NUP107: variants seen among roughly 807,000 people sequenced by gnomAD.
NUP107 encodes the protein nuclear pore complex protein Nup107.
A neutral mutation model predicts 141.0 loss-of-function variants in NUP107; 101 were observed. The observed-to-expected ratio is 0.72, with a 90% CI of 0.61 to 0.84. NUP107 has a LOEUF of 0.84. NUP107 is among the 40% of genes least tolerant of loss of function. The pLI, the probability that NUP107 is intolerant of heterozygous loss-of-function variation, is 0.00. For synonymous variants in NUP107, 319 were observed against 363.9 expected (o/e 0.88, Z 1.41); for missense variants, 941 against 1,102.7 (o/e 0.85, Z 2.08).
intron 7 of NUP107, among the ~76,000 whole-genome samples, chr12:68,701,141 A>T (rs1056443403): frequency 6.6e-6 from 1 of 152,230 alleles, no homozygotes; most frequent in African/African-American, 2.4e-5. Context: ...GTTAGACTTC[A>T]TGTAATATGG....
intron 5 of NUP107, among the ~76,000 whole-genome samples, chr12:68,696,019 A>C (rs1876032987): frequency 6.6e-6 from 1 of 151,744 alleles, no homozygotes; most frequent in Non-Finnish European, 1.5e-5. Flanking sequence ...TAAAAAAAAA[A>C]AAAAGAAAAA....
At chr12:68,688,404 T>C (rs1875607807) in intron 1 of NUP107, among the ~76,000 whole-genome samples, 1 of 152,178 alleles carries the variant, frequency 6.6e-6, no homozygotes, top group Non-Finnish European at 1.5e-5. Flanking sequence ...ACAGGAGACC[T>C]CCTGGGTTGA....
intron 23 of NUP107, chr12:68,732,943 G>A: frequency 2.5e-6 from 1 of 398,016 alleles, no homozygotes; most frequent in Non-Finnish European, 4.5e-6. Flanking sequence ...TCAGCCTCCT[G>A]AAGTGCTGGG....
intron 18 of NUP107, 55 bp from the exon 19 acceptor site, chr12:68,726,443 AT>A (rs1877566768): frequency 3.5e-6 from 4 of 1,144,722 alleles, no homozygotes; most frequent in Admixed American, 1.8e-5. Context: ...GGTAATGTTT[AT>A]TTTTTTCTTT....
intron 26 of NUP107, among the ~76,000 whole-genome samples, chr12:68,738,016 G>A (rs550391922): frequency 6.6e-6 from 1 of 152,178 alleles, no homozygotes; most frequent in South Asian, 2.1e-4. Context: ...GGTGGCTCAC[G>A]CCTGAATCCC....
intron 8 of NUP107, among the ~76,000 whole-genome samples, chr12:68,708,320 T>C (rs900122404): frequency 7.2e-5 from 11 of 152,112 alleles, no homozygotes; most frequent in African/African-American, 2.7e-4. Context: ...TTATGAAATA[T>C]TCTGGTACCT....
At chr12:68,702,107 G>A (rs2136008887) in intron 7 of NUP107, among the ~76,000 whole-genome samples, 1 of 152,304 alleles carries the variant, frequency 6.6e-6, no homozygotes, top group South Asian at 2.1e-4. Context: ...TCCTGTCTCA[G>A]CCTCCCGAGT....
chr12:68,688,186 GTTT>G (rs11333944), intron 1 of NUP107, among the ~76,000 whole-genome samples: 52 of 148,752 alleles, frequency 3.5e-4, no homozygotes, highest in African/African-American at 1.2e-3. Flanking sequence ...CTATCTGAAG[GTTT>G]TTTTTTTTGT....
In NUP107 at chr12:68,687,489, A is replaced by T. The variant is rs918093840; in HGVS notation, c.8+416A>T. On this transcript the variant is annotated intron_variant, in intron 1 of 27. Transcript: ENST00000229179. Reference sequence around the variant, plus strand: ...CATCAGATTCTGAGTTCCCTCTATGATCTGGGTACTGTGCTAGCCGCCTAC... The same window carrying T: ...CATCAGATTCTGAGTTCCCTCTATGTTCTGGGTACTGTGCTAGCCGCCTAC... 11 of 1,033,230 alleles carry T rather than the reference A, an allele frequency of 1.1e-5. No homozygotes were observed. The African/African-American group carries it at 1.5e-4, about 14-fold the overall frequency. 64.0% of individuals were successfully genotyped at this position (1,033,230 alleles called of 1,614,324 possible).
At chr12:68,732,405 G>A (rs990754400) in intron 22 of NUP107, among the ~76,000 whole-genome samples, 1 of 152,100 alleles carries the variant, frequency 6.6e-6, no homozygotes, top group East Asian at 1.9e-4. Flanking sequence ...CAAAGTGCTG[G>A]GATTACGGGT....
In NUP107 at chr12:68,727,529, CT is replaced by C. The variant is rs1457311774; in HGVS notation, c.1734+143del. On this transcript the variant is annotated intron_variant, in intron 20 of 27. Transcript: ENST00000229179. ...TCTTTTAATTATCAGCACAGTTGAC[CT>C]TTGAATAATGCAGGGATTAGGAAAA... 4 of 521,102 alleles carry C rather than the reference CT, an allele frequency of 7.7e-6. No homozygotes were observed. In the East Asian group the frequency reaches 1.2e-4, roughly 15 times the overall value. The allele number at this position is 521,102 out of a possible 1,614,324, so 32.3% of individuals were successfully genotyped here.
chr12:68,730,310 C>T (rs534331728), intron 20 of NUP107, among the ~76,000 whole-genome samples: 13 of 148,770 alleles, frequency 8.7e-5, no homozygotes, highest in African/African-American at 3.2e-4. Context: ...AACCCACCTC[C>T]CAAGTTCAAG....
At chr12:68,700,933 G>C in intron 7 of NUP107, 80 bp downstream of exon 7, 1 of 1,366,224 alleles carries the variant, frequency 7.3e-7, no homozygotes, top group Non-Finnish European at 9.8e-7. Flanking sequence ...AGTTAGGGTA[G>C]GTCGTGCTTG....
rs1378107600 is a variant in NUP107, at chr12:68,687,030, A to C, written c.-36A>C. ...GGCTAAAACGCGGTAGCTAAACTGC[A>C]GCCAACTTTGGTTGTGTGTGGAAAA... On this transcript the variant is annotated 5_prime_UTR_variant, in exon 1 of 28. Transcript: ENST00000229179. 1.9e-5 allele frequency: 31 copies of C among 1,614,020 alleles called. No homozygotes were observed. Among genetic ancestry groups the C allele is most frequent in the Non-Finnish European group, 2.5e-5 (29 of 1,179,972 alleles).
intron 17 of NUP107, 89 bp downstream of exon 17, chr12:68,722,241 C>A (rs1187003527): frequency 5.8e-6 from 6 of 1,041,442 alleles, no homozygotes; most frequent in East Asian, 2.6e-5. Flanking sequence ...AAAGGTGGAA[C>A]TTTCTCCCTT....
chr12:68,723,848 A>G (rs1308886963), intron 17 of NUP107, among the ~76,000 whole-genome samples: 1 of 152,092 alleles, frequency 6.6e-6, no homozygotes, highest in Non-Finnish European at 1.5e-5. Context: ...TTTTGTTCAT[A>G]TCTTTTAGCT....
intron 11 of NUP107, 143 bp downstream of exon 11, chr12:68,713,951 A>T: frequency 9.9e-6 from 6 of 604,266 alleles, no homozygotes; most frequent in Middle Eastern, 2.7e-4. Flanking sequence ...ACTAAGTTGC[A>T]TTGGAATCTG....
chr12:68,718,682 C>A (rs1877212337), intron 12 of NUP107, among the ~76,000 whole-genome samples: 2 of 145,024 alleles, frequency 1.4e-5, no homozygotes, highest in Non-Finnish European at 3.1e-5. Context: ...GTAATCCCAA[C>A]ACGTTGGGAG....
chr12:68,722,167 G>A lies in NUP107; in HGVS notation c.1506+15G>A. On this transcript the variant is annotated intron_variant, in intron 17 of 27. Coordinates refer to ENST00000229179, the MANE Select transcript of NUP107 (RefSeq NM_020401.4). ...CTGACAAAAAGGTAAATGTTAATAG[G>A]AATATGTTAGGTATCTGGAATAGGA... is the stretch of plus-strand genomic sequence containing the variant. The A allele has an allele frequency of 1.2e-6, 2 of 1,607,416 alleles. No homozygotes were observed. Among genetic ancestry groups the A allele is most frequent in the Non-Finnish European group, 1.7e-6 (2 of 1,174,800 alleles).
Sources: gnomAD v4.1 joint callset for allele counts (sites outside exome capture counted in the v4.1 genomes callset) on GRCh38, gnomAD v4.1.1 for gene constraint, MANE v1.5 for transcripts, NCBI Gene and HGNC (gene_info 2026-07-23, HGNC 2026-07-21) for gene names.